Variants in WARS1 observed in about 807,000 individuals in gnomAD.
WARS1 encodes the protein tryptophanyl-tRNA synthetase 1.
A neutral mutation model predicts 47.8 loss-of-function variants in WARS1; 17 were observed. The observed-to-expected ratio is 0.36, with a 90% CI of 0.24 to 0.53. The LOEUF (loss-of-function observed/expected upper bound fraction) is 0.53. WARS1 is among the 20% of genes least tolerant of loss of function. WARS1 has a pLI of 0.91. For missense variants in WARS1, 434 were observed against 608.0 expected, an observed-to-expected ratio of 0.71 and a Z score of 3.01; for synonymous variants, 208 against 228.1, an observed-to-expected ratio of 0.91 and a Z score of 0.79.
rs772322833 is a variant in WARS1, at chr14:100,337,164, G to A, written c.1152C>T (p.Ile384=). The change falls in exon 10 of 11, where the codon ATC becomes ATT. Residue 384 remains isoleucine (I), a synonymous_variant. Coordinates refer to ENST00000392882, the MANE Select transcript of WARS1 (RefSeq NM_004184.4). ...TGCCCCCAAACTGCCTGTGCTCCTC[G>A]ATGGTGTCTCTCCCTCCAGAAAACG... is the stretch of plus-strand genomic sequence containing the variant. ...KHAFSGGRDT[I]EEHRQFGGNC... 1.2e-5 allele frequency: 19 copies of A among 1,614,038 alleles called. No individual in the cohort carries two copies. The highest frequency in any genetic ancestry group is 9.9e-5 in the South Asian group (9 of 91,078).
chr14:100,370,773 C>T, intron 1 of WARS1, among the ~76,000 whole-genome samples: 1 of 94,856 alleles, frequency 1.1e-5, no homozygotes, highest in South Asian at 4.9e-4. Context: ...TGAGACTCTA[C>T]AAAAAAATGA....
chr14:100,344,430 C>A (rs1386623730), intron 7 of WARS1, among the ~76,000 whole-genome samples: 1 of 152,062 alleles, frequency 6.6e-6, no homozygotes, highest in Non-Finnish European at 1.5e-5. Context: ...TCTCGGCTCG[C>A]TACAACCTCC....
chr14:100,342,452 G>A lies in WARS1; in HGVS notation c.1059C>T (p.Ser353=), dbSNP rs755426661. 62 of 1,613,962 alleles carry A rather than the reference G, an allele frequency of 3.8e-5. No homozygotes were observed. Among genetic ancestry groups the A allele is most frequent in the African/African-American group, 3.2e-4 (24 of 74,908 alleles). ...TGAGGAAGATGGAGGAGTTGGGGTC[G>A]CTGGCACTCATTTTGGTCTGGGCGC... The part of the protein sequence containing the change: ...LQGAQTKMSA[S]DPNSSIFLTD... The change falls in exon 9 of 11, where the codon AGC becomes AGT. Residue 353 remains serine (S), a synonymous_variant. Transcript: ENST00000392882.
chr14:100,340,626 A>T (rs1336597718), intron 9 of WARS1: 1 of 152,198 alleles, frequency 6.6e-6, no homozygotes, highest in Non-Finnish European at 1.5e-5. Flanking sequence ...GACTACAGGC[A>T]CGTGCCACTG....
chr14:100,361,950 A>G, intron 2 of WARS1, 29 bp from the exon 3 acceptor site: 9 of 1,602,928 alleles, frequency 5.6e-6, no homozygotes, highest in South Asian at 4.4e-5. Context: ...GGGATGGCTA[A>G]AAGTATTACT....
intron 4 of WARS1, among the ~76,000 whole-genome samples, 185 bp from the exon 5 acceptor site, chr14:100,354,751 GT>G (rs1403707639): frequency 6.6e-6 from 1 of 152,206 alleles, no homozygotes; most frequent in African/African-American, 2.4e-5. Context: ...GGTTTCTCCT[GT>G]GAGTGTTTTA....
intron 7 of WARS1, among the ~76,000 whole-genome samples, chr14:100,346,393 G>C (rs1335061616): frequency 6.6e-6 from 1 of 152,148 alleles, no homozygotes; most frequent in Non-Finnish European, 1.5e-5. Context: ...TCACCCCTGG[G>C]TTCCATCCAA....
intron 7 of WARS1, among the ~76,000 whole-genome samples, chr14:100,344,423 C>T (rs1894390508): frequency 6.6e-6 from 1 of 152,014 alleles, no homozygotes; most frequent in Admixed American, 6.5e-5. Flanking sequence ...GGTGTGATCT[C>T]GGCTCGCTAC....
Position 100,361,723 on chromosome 14 carries a change from A to G in WARS1, c.298T>C (p.Tyr100His). 6.2e-7 allele frequency: 1 copy of G among 1,614,160 alleles called. No homozygotes were observed. ...GAGGACGTACCAATGAGCTTATCGT[A>G]GTCTATGCCTTTTGCACTGCTTGTC... is the stretch of plus-strand genomic sequence containing the variant. ...VQTSSAKGIDYDKLIVRFGSS... is the reference protein window; with the variant it reads ...VQTSSAKGIDHDKLIVRFGSS... The change falls in exon 3 of 11, where the codon TAC (tyrosine) becomes CAC (histidine). Residue 100 changes from tyrosine to histidine, a missense_variant. Around this residue, in one of 2 missense-constraint regions of WARS1, gnomAD observed 347 missense variants for 523.8 expected, o/e 0.66. Transcript: ENST00000392882.
At chr14:100,352,303 G>T (rs1490454429) in intron 6 of WARS1, among the ~76,000 whole-genome samples, 2 of 151,580 alleles carry the variant, frequency 1.3e-5, no homozygotes, top group Non-Finnish European at 2.9e-5. Flanking sequence ...GTAGAGATGG[G>T]GTTTCACCAT....
chr14:100,354,565 C>A lies in WARS1; in HGVS notation c.424G>T (p.Asp142Tyr). The change falls in exon 5 of 11, where the codon GAT (aspartate) becomes TAT (tyrosine). Residue 142 changes from aspartate (D) to tyrosine (Y), a missense_variant and splice_region_variant. Around this residue, in one of 2 missense-constraint regions of WARS1, gnomAD observed 347 missense variants for 523.8 expected, o/e 0.66. Transcript: ENST00000392882. Reference protein sequence around the residue: ...LRRGIFFSHRDMNQVLDAYEN... With the variant: ...LRRGIFFSHRYMNQVLDAYEN... ...TAGGCATCAAGAACCTGATTCATATCTCTAAAGGAAAAAGGAGAAGAGGAA... is the reference window on the plus strand; with the variant it reads ...TAGGCATCAAGAACCTGATTCATATATCTAAAGGAAAAAGGAGAAGAGGAA... The A allele has an allele frequency of 6.2e-7, 1 of 1,605,660 alleles. No individual in the cohort carries two copies. The highest frequency in any genetic ancestry group is 8.5e-7 in the Non-Finnish European group (1 of 1,177,042).
intron 5 of WARS1, chr14:100,354,203 A>G: frequency 1.9e-6 from 1 of 524,104 alleles, no homozygotes; most frequent in Non-Finnish European, 3.3e-6. Context: ...CCATGCAGAC[A>G]GGGAGCAGGA....
intron 10 of WARS1, among the ~76,000 whole-genome samples, chr14:100,335,964 CTT>C (rs112530080): frequency 6.8e-6 from 1 of 146,732 alleles, no homozygotes; most frequent in Non-Finnish European, 1.5e-5. Context: ...GTCACTAAAA[CTT>C]TTTTTTTTTT....
chr14:100,352,079 T>C (rs1895023426), intron 6 of WARS1, among the ~76,000 whole-genome samples: 1 of 150,276 alleles, frequency 6.7e-6, no homozygotes, highest in African/African-American at 2.4e-5. Flanking sequence ...TTGCTCTCAA[T>C]GGATATAAAA....
chr14:100,354,000 A>G (rs776177532), intron 5 of WARS1, 131 bp from the exon 6 acceptor site: 16 of 793,304 alleles, frequency 2.0e-5, no homozygotes, highest in Non-Finnish European at 3.1e-5. Flanking sequence ...CACAATTTGA[A>G]TTGTGATATG....
intron 8 of WARS1, among the ~76,000 whole-genome samples, chr14:100,342,898 ACTTT>A (rs562598479): frequency 6.6e-6 from 1 of 151,120 alleles, no homozygotes; most frequent in Non-Finnish European, 1.5e-5. Flanking sequence ...CCACTCCCCA[ACTTT>A]CTTTCCTTTT....
rs1409341880 is a variant in WARS1, at chr14:100,373,047, A to G, written c.-74+2236T>C. 6.6e-6 allele frequency among the ~76,000 whole-genome samples: 1 copy of G among 152,210 alleles called. No individual in the cohort carries two copies. Among genetic ancestry groups the G allele is most frequent in the Non-Finnish European group, 1.5e-5 (1 of 68,050 alleles). The stretch of plus-strand genomic sequence containing the variant: ...CAAACACTCCTTTAGTAACTTTATG[A>G]AAGCACTCACACTGCAGTTTAGTTA... On this transcript the variant is annotated intron_variant, in intron 1 of 10. Coordinates refer to ENST00000392882, the MANE Select transcript of WARS1 (RefSeq NM_004184.4). This position sits in a 1 kb window ranked among gnomAD's most constrained non-coding sequence, Gnocchi z 4.4.
intron 7 of WARS1, among the ~76,000 whole-genome samples, chr14:100,345,064 C>T (rs374870560): frequency 0.064 from 5,287 of 83,038 alleles, 306 homozygotes; most frequent in Non-Finnish European, 0.071. Flanking sequence ...GTCAGCCCCC[C>T]GCCCGGCCAG....
At chr14:100,344,861 A>G (rs1160522519) in intron 7 of WARS1, among the ~76,000 whole-genome samples, 1 of 142,182 alleles carries the variant, frequency 7.0e-6, no homozygotes, top group East Asian at 2.3e-4. Flanking sequence ...CGCCCGCCTG[A>G]GAAGTGAGGA....
Sources: allele counts gnomAD v4.1 joint callset (sites outside exome capture counted in the v4.1 genomes callset), GRCh38; gene constraint gnomAD v4.1.1; regional missense constraint gnomAD v4.1.1; non-coding constraint Gnocchi (gnomAD v3.1); transcripts MANE v1.5; gene names NCBI Gene and HGNC (gene_info 2026-07-23, HGNC 2026-07-21).